Variants in FBXO42 observed in about 807,000 individuals in gnomAD.
The protein encoded by FBXO42 is F-box only protein 42.
In FBXO42, 12 loss-of-function variants were observed where a neutral mutation model predicts 71.7. The observed-to-expected ratio is 0.17, with a 90% CI of 0.11 to 0.27. The LOEUF (loss-of-function observed/expected upper bound fraction) is 0.27, where lower values mean the gene tolerates loss of function less well. Ranked by LOEUF, FBXO42 falls within the 10% of genes least tolerant of loss-of-function variation. The pLI, the probability that FBXO42 is intolerant of heterozygous loss-of-function variation, is 1.00. For synonymous variants in FBXO42, 325 were observed against 327.5 expected (o/e 0.99, Z 0.08); for missense variants, 707 against 911.9 (o/e 0.78, Z 2.89).
intron 1 of FBXO42, among the ~76,000 whole-genome samples, chr1:16,336,959 T>G (rs1475678318): frequency 3.9e-5 from 6 of 152,118 alleles, no homozygotes; most frequent in Non-Finnish European, 5.9e-5. Context: ...CACTCTAGCC[T>G]GGGCAATAAG....
At chr1:16,313,983 T>C (rs1405808162) in intron 2 of FBXO42, among the ~76,000 whole-genome samples, 1 of 152,222 alleles carries the variant, frequency 6.6e-6, no homozygotes, top group South Asian at 2.1e-4. Context: ...GACCAGAGTC[T>C]TGCTCTGTCG....
chr1:16,323,121 G>T (rs1216879330), intron 1 of FBXO42, among the ~76,000 whole-genome samples: 15 of 152,146 alleles, frequency 9.9e-5, no homozygotes, highest in Admixed American at 9.8e-4. Context: ...AATTCAAAAG[G>T]TTAAAAAATG....
chr1:16,309,023 G>T (rs1448013565), intron 2 of FBXO42, among the ~76,000 whole-genome samples: 2 of 143,054 alleles, frequency 1.4e-5, no homozygotes, highest in Non-Finnish European at 3.0e-5. Context: ...GATTACAGGC[G>T]TGAGCCACCA....
At chr1:16,301,159 A>C (rs1234298816) in intron 3 of FBXO42, among the ~76,000 whole-genome samples, 1 of 152,014 alleles carries the variant, frequency 6.6e-6, no homozygotes, top group Non-Finnish European at 1.5e-5. Flanking sequence ...TTGGCCTCCC[A>C]AAGTGTTGGG....
chr1:16,330,062 G>A (rs985699190), intron 1 of FBXO42, among the ~76,000 whole-genome samples: 1 of 152,168 alleles, frequency 6.6e-6, no homozygotes, highest in African/African-American at 2.4e-5. Flanking sequence ...TTCCTAACTT[G>A]TCTCCACCTA....
intron 3 of FBXO42, among the ~76,000 whole-genome samples, chr1:16,298,911 G>A (rs1377902570): frequency 1.3e-5 from 2 of 152,274 alleles, no homozygotes; most frequent in East Asian, 1.9e-4. Context: ...GGTTTGTTAC[G>A]TCTCCCAGTT....
At chr1:16,344,585 C>G (rs2082638429) in intron 1 of FBXO42, among the ~76,000 whole-genome samples, 1 of 151,226 alleles carries the variant, frequency 6.6e-6, no homozygotes, top group Non-Finnish European at 1.5e-5. Flanking sequence ...ATCTGCCCAC[C>G]TCAGCCTCCC....
In FBXO42 at chr1:16,311,177, C is replaced by CA. The variant is rs772613523; in HGVS notation, c.250+3991dup. ...TGGGCGACAGAGTGAGACTCCGTCT[C>CA]AAAAAAAAAAAAAGGGGGTCAAAGG... On this transcript the variant is annotated intron_variant, in intron 2 of 9. Coordinates refer to ENST00000375592, the MANE Select transcript of FBXO42 (RefSeq NM_018994.3). Among the ~76,000 whole-genome samples the CA allele has an allele frequency of 2.9e-3, 345 of 119,718 alleles. 3 individuals are homozygous for CA. Among genetic ancestry groups the CA allele is most frequent in the African/African-American group, 7.2e-3 (226 of 31,268 alleles). 78.5% of individuals were successfully genotyped at this position (119,718 alleles called of 152,430 possible). A position where few individuals can be genotyped will look rare whatever the true frequency, so the allele number is the denominator to read the frequency against.
chr1:16,270,781 CACACACACACAT>C (rs1057470654), intron 4 of FBXO42, among the ~76,000 whole-genome samples: 14 of 148,356 alleles, frequency 9.4e-5, no homozygotes, highest in Admixed American at 2.7e-4. Context: ...CACACACACA[CACACACACACAT>C]ATAAAATTCC....
chr1:16,253,762 G>A lies in FBXO42; in HGVS notation c.768-31C>T, dbSNP rs2081614031. On this transcript the variant is annotated intron_variant, in intron 6 of 9. Transcript: ENST00000375592. ...AATTAAGGACAGAAGGATAAAGGTA[G>A]TTAGGAGCTCCCAGGGACCATAATG... 17 of 1,600,116 alleles carry A rather than the reference G, an allele frequency of 1.1e-5. No homozygotes were observed. In the South Asian group the frequency reaches 1.9e-4, roughly 18 times the overall value.
intron 3 of FBXO42, among the ~76,000 whole-genome samples, chr1:16,295,243 A>C (rs1277778698): frequency 6.6e-6 from 1 of 152,222 alleles, no homozygotes; most frequent in Non-Finnish European, 1.5e-5. Flanking sequence ...TACATAATTG[A>C]TCTAAATCTG....
At chr1:16,282,450 T>C (rs1382557852) in intron 4 of FBXO42, among the ~76,000 whole-genome samples, 5 of 150,518 alleles carry the variant, frequency 3.3e-5, no homozygotes, top group Non-Finnish European at 7.4e-5. Context: ...GGTCTCGAAC[T>C]CCTGATCTCA....
chr1:16,254,327 A>T (rs2081618525), intron 6 of FBXO42, among the ~76,000 whole-genome samples: 1 of 152,246 alleles, frequency 6.6e-6, no homozygotes, highest in Non-Finnish European at 1.5e-5. Flanking sequence ...AAAACCACAA[A>T]GAAGAGAAAA....
At chr1:16,259,064 T>C (rs537270245) in intron 4 of FBXO42, among the ~76,000 whole-genome samples, 2 of 152,284 alleles carry the variant, frequency 1.3e-5, no homozygotes, top group South Asian at 2.1e-4. Flanking sequence ...GGAAGAGTTA[T>C]CACATCAATC....
chr1:16,272,774 C>T (rs1305905391), intron 4 of FBXO42, among the ~76,000 whole-genome samples: 5 of 152,130 alleles, frequency 3.3e-5, no homozygotes, highest in African/African-American at 9.7e-5. Context: ...CATAAAAATC[C>T]ATAGCTTTTC....
At chr1:16,288,049 A>C (rs998778843) in intron 4 of FBXO42, among the ~76,000 whole-genome samples, 1 of 151,996 alleles carries the variant, frequency 6.6e-6, no homozygotes, top group African/African-American at 2.4e-5. Context: ...GGGAGGCTGA[A>C]GCAGGAGAAC....
At chr1:16,276,166 G>T (rs1370006219) in intron 4 of FBXO42, among the ~76,000 whole-genome samples, 1 of 151,992 alleles carries the variant, frequency 6.6e-6, no homozygotes, top group Non-Finnish European at 1.5e-5. Flanking sequence ...TGGATCACGA[G>T]GTCAGGAGAT....
At chr1:16,307,001 C>A (rs1298955450) in intron 2 of FBXO42, among the ~76,000 whole-genome samples, 1 of 152,104 alleles carries the variant, frequency 6.6e-6, no homozygotes, top group African/African-American at 2.4e-5. Context: ...AAGTGATTCT[C>A]CTGCCTCAGC....
In FBXO42 at chr1:16,247,261, C is replaced by CTGG. The variant is rs2081543281; in HGVS notation, c.*3408_*3409insCCA. 6.6e-6 allele frequency: 1 copy of CTGG among 152,282 alleles called. No individual in the cohort carries two copies. Among genetic ancestry groups the CTGG allele is most frequent in the African/African-American group, 2.4e-5 (1 of 41,450 alleles). 9.4% of individuals were successfully genotyped at this position (152,282 alleles called of 1,614,324 possible). The stretch of plus-strand genomic sequence containing the variant: ...AGGCCTGGAAATTCAGCTTCCTCAC[C>CTGG]ACCAGGCGTGGTTAGATCCTCCCCA... On this transcript the variant is annotated 3_prime_UTR_variant, in exon 10 of 10. Transcript: ENST00000375592.
Sources: allele counts gnomAD v4.1 joint callset (sites outside exome capture counted in the v4.1 genomes callset), GRCh38; gene constraint gnomAD v4.1.1; transcripts MANE v1.5; gene names NCBI Gene and HGNC (gene_info 2026-07-23, HGNC 2026-07-21).